The following PDE3A variants were observed in gnomAD, a reference collection of about 807,000 sequenced individuals.
PDE3A encodes the protein cGMP-inhibited 3',5'-cyclic phosphodiesterase 3A.
Under a neutral mutation model 98.3 loss-of-function variants are expected in PDE3A, and 43 were observed. The observed-to-expected ratio is 0.44, with a 90% CI of 0.34 to 0.56. PDE3A has a LOEUF of 0.56. Among genes scored for constraint, PDE3A ranks in the 20% least tolerant of loss-of-function variants. PDE3A has a pLI of 0.01. For synonymous variants in PDE3A, 663 were observed against 567.9 expected (o/e 1.17, Z -2.38); for missense variants, 1,427 against 1,440.7 (o/e 0.99, Z 0.15).
chr12:20,446,338 A>G (rs1454343859), intron 1 of PDE3A, among the ~76,000 whole-genome samples: 1 of 152,168 alleles, frequency 6.6e-6, no homozygotes, highest in Non-Finnish European at 1.5e-5. Flanking sequence ...CTGAGTGAGG[A>G]ACCATGTGTT....
At position 20,613,545 on chromosome 12, in the gene PDE3A, A is replaced by G; in HGVS notation, c.1114A>G (p.Thr372Ala). The G allele has an allele frequency of 6.2e-7, 1 of 1,614,154 alleles. No individual in the cohort carries two copies. Among genetic ancestry groups the G allele is most frequent in the Non-Finnish European group, 8.5e-7 (1 of 1,180,018 alleles). ...CCCTTCTCTTCCACCAAACGTGTGC[A>G]CATCCTTGAGAGCCGTGAGCAACTT... Reference protein sequence around the residue: ...ADPSLPPNVCTSLRAVSNLLS... With the variant: ...ADPSLPPNVCASLRAVSNLLS... Residue 372 changes from threonine to alanine, a missense_variant, in exon 3 of 16, where the codon ACA becomes GCA. By Grantham distance (58) the Thr-to-Ala change is moderately conservative. Around this residue, in one of 3 missense-constraint regions of PDE3A, gnomAD observed 1,012 missense variants for 886.5 expected, o/e 1.14. Transcript: ENST00000359062.
intron 2 of PDE3A, among the ~76,000 whole-genome samples, chr12:20,573,919 GC>G (rs1425001212): frequency 6.6e-6 from 1 of 151,984 alleles, no homozygotes; most frequent in African/African-American, 2.4e-5. Context: ...TTTCAGAATT[GC>G]TTTTCTGACA....
intron 15 of PDE3A, among the ~76,000 whole-genome samples, chr12:20,676,875 G>C (rs1945655426): frequency 6.6e-6 from 1 of 152,104 alleles, no homozygotes; most frequent in African/African-American, 2.4e-5. Context: ...GTTTCTCTGA[G>C]CTTCCTGCAT....
chr12:20,676,081 A>T (rs1235789250), intron 15 of PDE3A, among the ~76,000 whole-genome samples: 1 of 151,636 alleles, frequency 6.6e-6, no homozygotes, highest in African/African-American at 2.4e-5. Context: ...TCTCTGTCTT[A>T]TTGTTTATCA....
intron 1 of PDE3A, among the ~76,000 whole-genome samples, chr12:20,525,623 T>C (rs1376760619): frequency 6.6e-6 from 1 of 152,204 alleles, no homozygotes; most frequent in Non-Finnish European, 1.5e-5. Flanking sequence ...AGTCATTGTT[T>C]ATATGATTTA....
At chr12:20,522,383 G>A (rs924070437) in intron 1 of PDE3A, among the ~76,000 whole-genome samples, 1 of 152,132 alleles carries the variant, frequency 6.6e-6, no homozygotes, top group African/African-American at 2.4e-5. Flanking sequence ...CTGAGAGTGG[G>A]GTTCAGCAAT....
chr12:20,571,442 G>A (rs969057386), intron 2 of PDE3A, among the ~76,000 whole-genome samples: 10 of 152,024 alleles, frequency 6.6e-5, no homozygotes, highest in African/African-American at 1.4e-4. Context: ...GTTGTGCAGC[G>A]CACAACACTC....
chr12:20,637,864 GT>G (rs1423905093), intron 9 of PDE3A, among the ~76,000 whole-genome samples: 1 of 152,084 alleles, frequency 6.6e-6, no homozygotes, highest in Non-Finnish European at 1.5e-5. Flanking sequence ...ATTTGAAAAT[GT>G]TTGTTTTAAA....
intron 1 of PDE3A, among the ~76,000 whole-genome samples, chr12:20,469,075 G>T (rs1945392340): frequency 6.6e-6 from 1 of 152,066 alleles, no homozygotes; most frequent in South Asian, 2.1e-4. Flanking sequence ...GTATGCTTGA[G>T]AATTACTAAA....
In PDE3A at chr12:20,552,299, G is replaced by A. The variant is rs1198392281; in HGVS notation, c.961-4361G>A. On this transcript the variant is annotated intron_variant, in intron 1 of 15. Transcript: ENST00000359062. This position sits in a 1 kb window ranked among gnomAD's most constrained non-coding sequence, Gnocchi z 5.1. ...CCCGCTGAGGGCAACCGCTACGATG[G>A]CATCTACAAGGTTGTGAAATACTGG... 1.9e-5 allele frequency: 30 copies of A among 1,613,824 alleles called. No individual in the cohort carries two copies. In the South Asian group the frequency reaches 1.9e-4, roughly 10 times the overall value.
intron 14 of PDE3A, among the ~76,000 whole-genome samples, chr12:20,651,767 AT>A (rs1555106627): frequency 4.6e-5 from 7 of 151,536 alleles, no homozygotes; most frequent in African/African-American, 1.5e-4. Flanking sequence ...AGAATGAAAG[AT>A]TTTTTTTATT....
Position 20,616,339 on chromosome 12 carries a change from G to C in PDE3A, c.1379G>C (p.Arg460Thr), listed in dbSNP as rs1944008009. 6.2e-6 allele frequency: 10 copies of C among 1,613,924 alleles called. No individual in the cohort carries two copies. In the East Asian group the frequency reaches 2.2e-4, roughly 36 times the overall value. The change falls in exon 4 of 16, where the codon AGA (arginine) becomes ACA (threonine). Residue 460 changes from arginine (R) to threonine (T), a missense_variant. Transcript: ENST00000359062. Reference sequence around the variant, plus strand: ...ACCTTGGAGCCTGCACCAGTACGGAGAGACCGCAGCACCAGCATCAAACTG... The same window carrying C: ...ACCTTGGAGCCTGCACCAGTACGGACAGACCGCAGCACCAGCATCAAACTG... ...LPTLEPAPVR[R>T]DRSTSIKLQE...
rs1207032154 is a variant in PDE3A at position 20,681,034 on chromosome 12, G to C, written c.*763G>C. 1 of 152,124 alleles carries C rather than the reference G, an allele frequency of 6.6e-6. No individual in the cohort carries two copies. The highest frequency in any genetic ancestry group is 1.9e-4 in the East Asian group (1 of 5,182). The allele number at this position is 152,124 out of a possible 1,614,324, so 9.4% of individuals were successfully genotyped here. A position where few individuals can be genotyped will look rare whatever the true frequency, so the allele number is the denominator to read the frequency against. The stretch of plus-strand genomic sequence containing the variant: ...CACTCTGGAGTGTCTTTGGGAGGCA[G>C]CCATTCCAAATGCCCTCCTCCATTT... On this transcript the variant is annotated 3_prime_UTR_variant, in exon 16 of 16. Coordinates refer to ENST00000359062, the MANE Select transcript of PDE3A (RefSeq NM_000921.5).
intron 1 of PDE3A, chr12:20,449,673 A>C: frequency 2.3e-6 from 1 of 440,266 alleles, no homozygotes; most frequent in Non-Finnish European, 4.2e-6. Flanking sequence ...ATTTCTCTGT[A>C]AACTTCAGCA....
chr12:20,400,879 G>A (rs1257910169), intron 1 of PDE3A, among the ~76,000 whole-genome samples: 2 of 152,064 alleles, frequency 1.3e-5, no homozygotes, highest in African/African-American at 4.8e-5. Context: ...CTCCTAGTAT[G>A]CTAAGCATTT....
intron 1 of PDE3A, among the ~76,000 whole-genome samples, chr12:20,507,667 T>C (rs1345249736): frequency 6.6e-6 from 1 of 152,088 alleles, no homozygotes; most frequent in Admixed American, 6.6e-5. Context: ...TGATGGCAAC[T>C]CCAACCTTCC....
At chr12:20,590,571 T>A (rs1466907654) in intron 2 of PDE3A, among the ~76,000 whole-genome samples, 1 of 150,836 alleles carries the variant, frequency 6.6e-6, no homozygotes, top group Non-Finnish European at 1.5e-5. Flanking sequence ...GCCCAGGAGT[T>A]TGAGACCAGC....
intron 5 of PDE3A, among the ~76,000 whole-genome samples, chr12:20,628,805 C>T (rs1403721683): frequency 2.0e-5 from 3 of 152,252 alleles, no homozygotes; most frequent in South Asian, 2.1e-4. Context: ...CACACAAAAT[C>T]GTTCAACAAA....
In PDE3A at chr12:20,552,475, G is replaced by A. The variant is rs1942238946; in HGVS notation, c.961-4185G>A. 3.1e-6 allele frequency: 5 copies of A among 1,612,860 alleles called. No individual in the cohort carries two copies. The highest frequency in any genetic ancestry group is 4.2e-6 in the Non-Finnish European group (5 of 1,179,672). On this transcript the variant is annotated intron_variant, in intron 1 of 15. Transcript: ENST00000359062. This position sits in a 1 kb window ranked among gnomAD's most constrained non-coding sequence, Gnocchi z 5.1. Reference sequence around the variant, plus strand: ...TCCAGAAGGCTACCTGGAAGCCCTGGCCAACCGAGAGCGAGAGAAGGAGAA... The same window carrying A: ...TCCAGAAGGCTACCTGGAAGCCCTGACCAACCGAGAGCGAGAGAAGGAGAA...
Sources: gnomAD v4.1 joint callset for allele counts (sites outside exome capture counted in the v4.1 genomes callset) on GRCh38, gnomAD v4.1.1 for gene constraint, gnomAD v4.1.1 regional missense constraint, Gnocchi (gnomAD v3.1) non-coding constraint, MANE v1.5 for transcripts, NCBI Gene and HGNC (gene_info 2026-07-23, HGNC 2026-07-21) for gene names.